Variants in DAPK1 observed in about 807,000 individuals in gnomAD.
The protein encoded by DAPK1 is death associated protein kinase 1, also known as death-associated protein kinase 1.
In DAPK1, 56 loss-of-function variants were observed where a neutral mutation model predicts 144.9. The ratio of observed to expected loss-of-function variants is 0.39; its 90% CI spans 0.31 to 0.48. The LOEUF is 0.48. Among genes scored for constraint, DAPK1 ranks in the 20% least tolerant of loss-of-function variants. The probability of loss-of-function intolerance (pLI) is 0.95; values close to 1 mark genes in which losing one functional copy is unlikely to be tolerated. For missense variants in DAPK1, 1,454 were observed against 1,875.4 expected (o/e 0.78, Z 4.15); for synonymous variants, 690 against 749.0 (o/e 0.92, Z 1.29).
intron 17 of DAPK1, among the ~76,000 whole-genome samples, chr9:87,653,618 G>C (rs1401472839): frequency 6.6e-6 from 1 of 152,022 alleles, no homozygotes; most frequent in Non-Finnish European, 1.5e-5. Context: ...TCAGGAAAAT[G>C]TCTAGTGACA....
chr9:87,690,259 G>T (rs1015065680), intron 21 of DAPK1, among the ~76,000 whole-genome samples: 2 of 151,744 alleles, frequency 1.3e-5, no homozygotes, highest in African/African-American at 4.8e-5. Flanking sequence ...TATTTTTATT[G>T]CAGCTATTGT....
rs761799828 is a variant in DAPK1, at chr9:87,658,076, C to T, written c.1872C>T (p.Asp624=). ...LHLAANNGIL[D]VVRYLCLMGA... ...TTGCGGCCAACAACGGAATCCTAGA[C>T]GTGGTCCGGTATCTCTGTCTGATGG... Residue 624 remains aspartate (D), a synonymous_variant, in exon 18 of 26, where the codon GAC becomes GAT. Coordinates refer to ENST00000408954, the MANE Select transcript of DAPK1 (RefSeq NM_004938.4). 9.0e-6 allele frequency: 14 copies of T among 1,549,762 alleles called. No homozygotes were observed. Among genetic ancestry groups the T allele is most frequent in the South Asian group, 3.4e-5 (3 of 89,386 alleles).
intron 16 of DAPK1, among the ~76,000 whole-genome samples, chr9:87,651,177 G>A (rs1302423013): frequency 6.6e-6 from 1 of 152,222 alleles, no homozygotes; most frequent in Non-Finnish European, 1.5e-5. Context: ...GGCAGAGATT[G>A]CTGGGCAAAT....
At chr9:87,502,703 T>C (rs1238740219) in intron 2 of DAPK1, among the ~76,000 whole-genome samples, 2 of 152,204 alleles carry the variant, frequency 1.3e-5, no homozygotes, top group African/African-American at 4.8e-5. Flanking sequence ...TTTCCCCTTT[T>C]AAAGTCAAGT....
intron 11 of DAPK1, 33 bp downstream of exon 11, chr9:87,643,501 C>CA: frequency 1.0e-6 from 1 of 984,792 alleles, no homozygotes; most frequent in Non-Finnish European, 1.5e-6. Context: ...GTGCTCCTTT[C>CA]TTAGCACTGG....
At chr9:87,499,651 A>G (rs1475529319) in intron 2 of DAPK1, among the ~76,000 whole-genome samples, 1 of 152,198 alleles carries the variant, frequency 6.6e-6, no homozygotes, top group Non-Finnish European at 1.5e-5. Context: ...AACTTCTTCC[A>G]ACCAGGAATT....
rs116016590 is a variant in DAPK1, at chr9:87,527,421, C to T, written c.62+28282C>T. 3.3e-3 allele frequency among the ~76,000 whole-genome samples: 503 copies of T among 152,252 alleles called. 8 individuals are homozygous for T. The highest frequency in any genetic ancestry group is 0.012 in the African/African-American group (483 of 41,534). On this transcript the variant is annotated intron_variant, in intron 2 of 25. Coordinates refer to ENST00000408954, the MANE Select transcript of DAPK1 (RefSeq NM_004938.4). ...AAACAGCAACTCCATGCCACGGGAACGTTTCTGCTTCCATTGTTACTCACC... is the reference window on the plus strand; with the variant it reads ...AAACAGCAACTCCATGCCACGGGAATGTTTCTGCTTCCATTGTTACTCACC...
rs959512899 is a variant in DAPK1 at position 87,526,309 on chromosome 9, T to C, written c.62+27170T>C. Among the ~76,000 whole-genome samples the C allele has an allele frequency of 4.6e-5, 7 of 152,186 alleles. 1 individual carries two copies. Among genetic ancestry groups the C allele is most frequent in the Admixed American group, 4.6e-4 (7 of 15,274 alleles). ...AATCCCCTAAATTTCCATGTGTGTA[T>C]TAGAGTTAATGCTCCCCACCTCCCT... is the stretch of plus-strand genomic sequence containing the variant. On this transcript the variant is annotated intron_variant, in intron 2 of 25. Coordinates refer to ENST00000408954, the MANE Select transcript of DAPK1 (RefSeq NM_004938.4).
chr9:87,531,008 G>T (rs2118355713), intron 2 of DAPK1, among the ~76,000 whole-genome samples: 1 of 152,238 alleles, frequency 6.6e-6, no homozygotes, highest in East Asian at 1.9e-4. Context: ...AGTGAATTCA[G>T]GAAATGCTTA....
At chr9:87,540,403 C>G (rs1826006472) in intron 2 of DAPK1, among the ~76,000 whole-genome samples, 1 of 152,010 alleles carries the variant, frequency 6.6e-6, no homozygotes, top group Admixed American at 6.5e-5. Context: ...GTTGGCCAGG[C>G]TGGTCTCGAA....
intron 2 of DAPK1, among the ~76,000 whole-genome samples, chr9:87,512,306 T>G (rs938431114): frequency 2.6e-5 from 4 of 152,144 alleles, no homozygotes; most frequent in Non-Finnish European, 4.4e-5. Context: ...TCATGGATCT[T>G]TATGGAGAAA....
chr9:87,681,883 C>T lies in DAPK1; in HGVS notation c.2224+257C>T. 5.5e-6 allele frequency: 3 copies of T among 545,288 alleles called. No homozygotes were observed. The Admixed American group carries it at 9.3e-5, about 17-fold the overall frequency. The allele number at this position is 545,288 out of a possible 1,614,324, so 33.8% of individuals were successfully genotyped here. On this transcript the variant is annotated intron_variant, in intron 20 of 25. Coordinates refer to ENST00000408954, the MANE Select transcript of DAPK1 (RefSeq NM_004938.4). Reference sequence around the variant, plus strand: ...ACAGCCACAGACACAAAGGTCCATCCTCATAAATGTGCAAACTGCAGAATT... The same window carrying T: ...ACAGCCACAGACACAAAGGTCCATCTTCATAAATGTGCAAACTGCAGAATT...
At chr9:87,550,151 C>A (rs1826422950) in intron 2 of DAPK1, among the ~76,000 whole-genome samples, 1 of 152,192 alleles carries the variant, frequency 6.6e-6, no homozygotes, top group Non-Finnish European at 1.5e-5. Flanking sequence ...AACCGTCACC[C>A]TAGAGAGTTC....
At chr9:87,672,056 C>T (rs1012140472) in intron 19 of DAPK1, among the ~76,000 whole-genome samples, 4 of 152,188 alleles carry the variant, frequency 2.6e-5, no homozygotes, top group African/African-American at 7.2e-5. Flanking sequence ...GTTGAGTCAG[C>T]TGCTACCTCC....
At chr9:87,558,591 G>C (rs558001868) in intron 2 of DAPK1, among the ~76,000 whole-genome samples, 33 of 152,258 alleles carry the variant, frequency 2.2e-4, no homozygotes, top group African/African-American at 7.9e-4. Flanking sequence ...CGACGAAAAC[G>C]AACAATTCCT....
intron 2 of DAPK1, among the ~76,000 whole-genome samples, chr9:87,508,577 C>T (rs547282628): frequency 2.6e-5 from 4 of 151,580 alleles, no homozygotes; most frequent in African/African-American, 7.3e-5. Flanking sequence ...CTCCTGACCT[C>T]GTGATCCGCC....
At chr9:87,637,180 G>A (rs888878395) in intron 3 of DAPK1, among the ~76,000 whole-genome samples, 12 of 151,972 alleles carry the variant, frequency 7.9e-5, no homozygotes, top group Admixed American at 2.0e-4. Context: ...TGCCACCTCC[G>A]TCTCCCAGGT....
chr9:87,616,119 T>C (rs1480423280), intron 3 of DAPK1, among the ~76,000 whole-genome samples: 1 of 152,254 alleles, frequency 6.6e-6, no homozygotes, highest in African/African-American at 2.4e-5. Flanking sequence ...TTCTGCTTCC[T>C]TCTCTAGCGT....
chr9:87,649,849 C>T (rs1295512646), intron 15 of DAPK1, 72 bp from the exon 16 acceptor site: 6 of 1,508,080 alleles, frequency 4.0e-6, no homozygotes, highest in Non-Finnish European at 5.5e-6. Flanking sequence ...TTGACAGGGA[C>T]TCTCACCTTG....
Sources: allele counts gnomAD v4.1 joint callset (sites outside exome capture counted in the v4.1 genomes callset), GRCh38; gene constraint gnomAD v4.1.1; transcripts MANE v1.5; gene names NCBI Gene and HGNC (gene_info 2026-07-23, HGNC 2026-07-21).